Variants in LIPC observed in about 807,000 individuals in gnomAD.
LIPC encodes the protein hepatic triacylglycerol lipase.
In LIPC, 44 loss-of-function variants were observed where a neutral mutation model predicts 50.7. The observed-to-expected ratio is 0.87, with a 90% CI of 0.68 to 1.11. The LOEUF (loss-of-function observed/expected upper bound fraction) is 1.11. Ranked by LOEUF, LIPC falls within the 50% of genes most tolerant of loss-of-function variation. LIPC has a pLI of 0.00. For missense variants in LIPC, 697 were observed against 648.2 expected, an observed-to-expected ratio of 1.08 and a Z score of -0.82; for synonymous variants, 271 against 256.4, an observed-to-expected ratio of 1.06 and a Z score of -0.54.
chr15:58,568,119 C>T lies in LIPC; in HGVS notation c.1389-597C>T, dbSNP rs1365643814. Among the ~76,000 whole-genome samples the T allele has an allele frequency of 2.0e-5, 3 of 152,194 alleles. No homozygotes were observed. In the South Asian group the frequency reaches 6.2e-4, roughly 32 times the overall value. On this transcript the variant is annotated intron_variant, in intron 8 of 8. Transcript: ENST00000299022. ...TAATAACACAAAATGGTATCTCGGG[C>T]CAAGCCAACAGCCAAAGCAGTCTAG... is the stretch of plus-strand genomic sequence containing the variant.
chr15:58,497,417 T>C (rs796509350), intron 1 of LIPC, among the ~76,000 whole-genome samples: 6 of 152,248 alleles, frequency 3.9e-5, no homozygotes, highest in African/African-American at 1.4e-4. Flanking sequence ...CCAAAGACCT[T>C]CTTGGGAAAT....
At chr15:58,560,509 A>G (rs1323738869) in intron 6 of LIPC, among the ~76,000 whole-genome samples, 1 of 152,192 alleles carries the variant, frequency 6.6e-6, no homozygotes, top group African/African-American at 2.4e-5. Context: ...ATATTCTTTG[A>G]TTTACGAAAG....
intron 6 of LIPC, among the ~76,000 whole-genome samples, chr15:58,552,078 G>A (rs1214229664): frequency 6.6e-6 from 1 of 152,168 alleles, no homozygotes; most frequent in Non-Finnish European, 1.5e-5. Flanking sequence ...GGGAGGGGGA[G>A]GGAAACGGAT....
At chr15:58,542,747 A>C (rs1893377934) in intron 4 of LIPC, 96 bp downstream of exon 4, 6 of 807,026 alleles carry the variant, frequency 7.4e-6, no homozygotes, top group Middle Eastern at 2.3e-4. Flanking sequence ...AAAACACCCC[A>C]ACACTTATTG....
intron 1 of LIPC, among the ~76,000 whole-genome samples, chr15:58,490,694 G>A (rs566959623): frequency 2.0e-5 from 3 of 152,252 alleles, no homozygotes; most frequent in South Asian, 4.1e-4. Context: ...GTTTTCTCCC[G>A]TCATCTCCAG....
chr15:58,451,269 G>A (rs1167235809), intron 1 of LIPC, among the ~76,000 whole-genome samples: 4 of 152,188 alleles, frequency 2.6e-5, no homozygotes, highest in African/African-American at 9.7e-5. Context: ...AGGCAGGTAA[G>A]TAATTGTATT....
chr15:58,525,402 C>T (rs1341827009), intron 1 of LIPC, among the ~76,000 whole-genome samples: 1 of 152,204 alleles, frequency 6.6e-6, no homozygotes, highest in Admixed American at 6.5e-5. Context: ...CTTTTTAGTT[C>T]AGAGCTCCCC....
chr15:58,506,044 G>C (rs1892138239), intron 1 of LIPC, among the ~76,000 whole-genome samples: 1 of 152,050 alleles, frequency 6.6e-6, no homozygotes, highest in African/African-American at 2.4e-5. Context: ...CTTCCATAGA[G>C]TGGATGGCAG....
At chr15:58,464,744 G>A (rs1044556224) in intron 1 of LIPC, among the ~76,000 whole-genome samples, 19 of 152,302 alleles carry the variant, frequency 1.2e-4, no homozygotes, top group African/African-American at 3.1e-4. Flanking sequence ...AAGCCAAGGC[G>A]GGCAGATCAT....
At chr15:58,471,239 C>T (rs1199392570) in intron 1 of LIPC, among the ~76,000 whole-genome samples, 1 of 144,422 alleles carries the variant, frequency 6.9e-6, no homozygotes, top group Non-Finnish European at 1.5e-5. Context: ...CAGATTCAAG[C>T]GATTCTCCTA....
chr15:58,545,984 G>C lies in LIPC; in HGVS notation c.808+9G>C, dbSNP rs777863886. 1.2e-6 allele frequency: 2 copies of C among 1,602,082 alleles called. No individual in the cohort carries two copies. The highest frequency in any genetic ancestry group is 4.5e-5 in the East Asian group (2 of 44,824). The stretch of plus-strand genomic sequence containing the variant: ...CCAGCACGGCTTCAATGGTGAGAAT[G>C]AAGTCATGGGCCGGGAGCACCGGCC... On this transcript the variant is annotated intron_variant, in intron 5 of 8. Transcript: ENST00000299022.
intron 1 of LIPC, among the ~76,000 whole-genome samples, chr15:58,507,133 T>C (rs1175182551): frequency 9.9e-5 from 15 of 152,084 alleles, no homozygotes. Context: ...TACAATTCAA[T>C]ATGAGATTTA....
At chr15:58,568,582 G>A (rs1235474014) in intron 8 of LIPC, 134 bp from the exon 9 acceptor site, 5 of 661,562 alleles carry the variant, frequency 7.6e-6, no homozygotes, top group Admixed American at 2.5e-5. Context: ...AAATATTTGC[G>A]AACATAAGAA....
chr15:58,553,469 G>A (rs1364882640), intron 6 of LIPC, among the ~76,000 whole-genome samples: 1 of 152,188 alleles, frequency 6.6e-6, no homozygotes, highest in African/African-American at 2.4e-5. Context: ...AGTGGTGCAT[G>A]TCTGTAGTCC....
chr15:58,465,226 C>T (rs796847998), intron 1 of LIPC, among the ~76,000 whole-genome samples: 24 of 152,294 alleles, frequency 1.6e-4, no homozygotes, highest in African/African-American at 5.5e-4. Context: ...ATCAGAACAA[C>T]TCATTTCCCC....
At chr15:58,507,523 A>T (rs1263559161) in intron 1 of LIPC, among the ~76,000 whole-genome samples, 6 of 152,362 alleles carry the variant, frequency 3.9e-5, no homozygotes, top group African/African-American at 1.4e-4. Context: ...GGCCACACAC[A>T]AATCAGTACT....
intron 1 of LIPC, among the ~76,000 whole-genome samples, chr15:58,506,476 C>G (rs1349510459): frequency 6.6e-6 from 1 of 152,188 alleles, no homozygotes; most frequent in Non-Finnish European, 1.5e-5. Context: ...AAAGCAGGTG[C>G]TGATGAGAAG....
chr15:58,464,081 A>G (rs1216886588), intron 1 of LIPC, among the ~76,000 whole-genome samples: 1 of 151,452 alleles, frequency 6.6e-6, no homozygotes, highest in East Asian at 1.9e-4. Context: ...ATTTTTTTTG[A>G]AAAAAAAATT....
chr15:58,450,636 A>G (rs17190538), intron 1 of LIPC, among the ~76,000 whole-genome samples: 17,955 of 152,260 alleles, frequency 0.12, 1,394 homozygotes, highest in Non-Finnish European at 0.17. Flanking sequence ...GAAATGTTAC[A>G]TGGGTCTGGG....
Sources: gnomAD v4.1 joint callset for allele counts (sites outside exome capture counted in the v4.1 genomes callset) on GRCh38, gnomAD v4.1.1 for gene constraint, MANE v1.5 for transcripts, NCBI Gene and HGNC (gene_info 2026-07-23, HGNC 2026-07-21) for gene names.